EDIL3: variants seen among roughly 807,000 people sequenced by gnomAD.
EDIL3 encodes EGF-like repeat and discoidin I-like domain-containing protein 3.
In EDIL3, 37 loss-of-function variants were observed where a neutral mutation model predicts 67.4. The observed-to-expected ratio is 0.55, with a 90% CI of 0.42 to 0.72. The LOEUF (loss-of-function observed/expected upper bound fraction) is 0.72, where lower values mean the gene tolerates loss of function less well. Ranked by LOEUF, EDIL3 falls within the 30% of genes least tolerant of loss-of-function variation. The pLI, the probability that EDIL3 is intolerant of heterozygous loss-of-function variation, is 0.00. For synonymous variants in EDIL3, 195 were observed against 196.3 expected (o/e 0.99, Z 0.05); for missense variants, 527 against 586.3 (o/e 0.90, Z 1.04).
chr5:84,190,117 A>G (rs1743547244), intron 3 of EDIL3, among the ~76,000 whole-genome samples: 1 of 151,996 alleles, frequency 6.6e-6, no homozygotes, highest in South Asian at 2.1e-4. Context: ...CCTATGGGCT[A>G]TGTTGATAAT....
At chr5:84,019,750 T>C (rs1745676938) in intron 9 of EDIL3, among the ~76,000 whole-genome samples, 1 of 152,034 alleles carries the variant, frequency 6.6e-6, no homozygotes, top group Non-Finnish European at 1.5e-5. Context: ...AATTTGCTTG[T>C]GAAGAGTTGA....
intron 9 of EDIL3, among the ~76,000 whole-genome samples, chr5:84,044,019 A>G (rs942541152): frequency 6.6e-6 from 1 of 152,038 alleles, no homozygotes; most frequent in African/African-American, 2.4e-5. Context: ...TTTAAGCCCC[A>G]CATGTGTTAG....
chr5:84,217,230 C>T (rs187668079), intron 3 of EDIL3, among the ~76,000 whole-genome samples: 94 of 151,550 alleles, frequency 6.2e-4, no homozygotes, highest in African/African-American at 2.1e-3. Flanking sequence ...TTAAAGAAAC[C>T]TCTAAGTCTG....
At chr5:84,380,830 T>C (rs955509329) in intron 1 of EDIL3, among the ~76,000 whole-genome samples, 6 of 152,204 alleles carry the variant, frequency 3.9e-5, no homozygotes, top group Non-Finnish European at 8.8e-5. Flanking sequence ...CGAGTGACCA[T>C]GCTACTTTAT....
intron 1 of EDIL3, among the ~76,000 whole-genome samples, chr5:84,259,483 C>T (rs560822883): frequency 2.6e-5 from 4 of 152,282 alleles, no homozygotes; most frequent in Admixed American, 1.3e-4. Context: ...TGATTCTAAC[C>T]ATGTTTTATG....
At chr5:83,959,450 T>A (rs1744570200) in intron 10 of EDIL3, among the ~76,000 whole-genome samples, 1 of 151,042 alleles carries the variant, frequency 6.6e-6, no homozygotes, top group African/African-American at 2.4e-5. Flanking sequence ...AAGCAAGCAG[T>A]CAATAAAAAC....
At chr5:83,978,895 T>C (rs1390593986) in intron 9 of EDIL3, among the ~76,000 whole-genome samples, 1 of 152,094 alleles carries the variant, frequency 6.6e-6, no homozygotes, top group Non-Finnish European at 1.5e-5. Context: ...AAAGCTAGCA[T>C]TTGTGACATG....
At chr5:84,175,757 T>C (rs764588788) in intron 4 of EDIL3, among the ~76,000 whole-genome samples, 3 of 152,132 alleles carry the variant, frequency 2.0e-5, no homozygotes, top group Non-Finnish European at 4.4e-5. Flanking sequence ...CATTTGGTGA[T>C]TGAAGGTAGT....
intron 3 of EDIL3, among the ~76,000 whole-genome samples, chr5:84,207,908 A>G (rs1744020229): frequency 6.6e-6 from 1 of 152,218 alleles, no homozygotes; most frequent in African/African-American, 2.4e-5. Context: ...AAGATGGATT[A>G]AACACTTAAA....
chr5:84,016,312 C>T (rs1312078507), intron 9 of EDIL3, among the ~76,000 whole-genome samples: 1 of 152,146 alleles, frequency 6.6e-6, no homozygotes, highest in African/African-American at 2.4e-5. Flanking sequence ...TCTAGTTTAT[C>T]GTCATGCATA....
chr5:84,345,678 TAGC>T (rs1478819341), intron 1 of EDIL3, among the ~76,000 whole-genome samples: 4 of 152,166 alleles, frequency 2.6e-5, no homozygotes, highest in African/African-American at 9.7e-5. Flanking sequence ...TTTATATGAA[TAGC>T]TGAACAGATG....
Position 84,266,042 on chromosome 5 carries a change from A to G in EDIL3, c.68-11830T>C, listed in dbSNP as rs368982261. On this transcript the variant is annotated intron_variant, in intron 1 of 10. Transcript: ENST00000296591. ...GCCTTAATGGAATTCCATTTAGAAT[A>G]CATGCTTTTACACTAAGTAAACCAC... Among the ~76,000 whole-genome samples the G allele has an allele frequency of 5.3e-5, 8 of 152,348 alleles. No individual in the cohort carries two copies. The East Asian group carries it at 1.2e-3, about 22-fold the overall frequency.
chr5:83,957,718 T>C (rs544331371), intron 10 of EDIL3, among the ~76,000 whole-genome samples: 2 of 151,892 alleles, frequency 1.3e-5, no homozygotes, highest in South Asian at 4.1e-4. Flanking sequence ...ATAATCTATG[T>C]GCTACTTCTT....
chr5:84,074,358 A>T (rs917272870), intron 6 of EDIL3, among the ~76,000 whole-genome samples: 63 of 152,114 alleles, frequency 4.1e-4, no homozygotes, highest in East Asian at 5.8e-4. Context: ...GGGATCTAAT[A>T]AAACTAAAGA....
chr5:84,046,768 C>T (rs370722877), intron 9 of EDIL3, among the ~76,000 whole-genome samples: 2 of 152,162 alleles, frequency 1.3e-5, no homozygotes, highest in South Asian at 2.1e-4. Context: ...ACGCCACAAA[C>T]GAAAATTCAT....
At chr5:84,117,949 T>C (rs1232471785) in intron 5 of EDIL3, among the ~76,000 whole-genome samples, 1 of 152,178 alleles carries the variant, frequency 6.6e-6, no homozygotes, top group Non-Finnish European at 1.5e-5. Context: ...GAATAGTGAC[T>C]GAATTTTCTT....
intron 1 of EDIL3, among the ~76,000 whole-genome samples, chr5:84,325,652 T>C (rs1157115890): frequency 1.3e-5 from 2 of 151,988 alleles, no homozygotes; most frequent in Non-Finnish European, 2.9e-5. Flanking sequence ...ACCCAAAATA[T>C]TGAAGGCAGT....
intron 9 of EDIL3, among the ~76,000 whole-genome samples, chr5:84,003,210 G>T (rs955877898): frequency 6.6e-6 from 1 of 152,206 alleles, no homozygotes; most frequent in African/African-American, 2.4e-5. Context: ...GCTTAGGCCT[G>T]TAGTGTAGCC....
intron 5 of EDIL3, among the ~76,000 whole-genome samples, chr5:84,130,509 T>C (rs2112307719): frequency 6.6e-6 from 1 of 152,274 alleles, no homozygotes; most frequent in African/African-American, 2.4e-5. Flanking sequence ...AACTTATGTG[T>C]GTTTTCATTC....
Sources: allele counts gnomAD v4.1 joint callset (sites outside exome capture counted in the v4.1 genomes callset), GRCh38; gene constraint gnomAD v4.1.1; transcripts MANE v1.5; gene names NCBI Gene and HGNC (gene_info 2026-07-23, HGNC 2026-07-21).